GRM1: variants seen among roughly 807,000 people sequenced by gnomAD.
GRM1 encodes glutamate metabotropic receptor 1.
Under a neutral mutation model 90.9 loss-of-function variants are expected in GRM1, and 33 were observed. That is an observed-to-expected ratio of 0.36 (90% CI 0.28 to 0.49). GRM1 has a LOEUF of 0.49. Among genes scored for constraint, GRM1 ranks in the 20% least tolerant of loss-of-function variants. GRM1 has a pLI of 0.99. For synonymous variants in GRM1, 700 were observed against 613.2 expected (o/e 1.14, Z -2.09); for missense variants, 1,190 against 1,534.3 (o/e 0.78, Z 3.75).
At chr6:146,417,252 A>G (rs1435670591) in intron 7 of GRM1, among the ~76,000 whole-genome samples, 3 of 152,170 alleles carry the variant, frequency 2.0e-5, no homozygotes, top group Admixed American at 2.0e-4. Context: ...TGGTGCTGTG[A>G]CAGCTTCTCA....
chr6:146,140,852 A>G (rs1776852752), intron 1 of GRM1, among the ~76,000 whole-genome samples: 1 of 152,152 alleles, frequency 6.6e-6, no homozygotes, highest in Non-Finnish European at 1.5e-5. Context: ...AGTTGTAGTT[A>G]TTAATTTTGA....
At chr6:146,410,692 A>G (rs1310547425) in intron 7 of GRM1, among the ~76,000 whole-genome samples, 1 of 152,050 alleles carries the variant, frequency 6.6e-6, no homozygotes, top group African/African-American at 2.4e-5. Context: ...ATTAAGAAAG[A>G]GGGGGTTAAG....
chr6:146,204,884 G>T (rs1175995402), intron 2 of GRM1, among the ~76,000 whole-genome samples: 1 of 152,252 alleles, frequency 6.6e-6, no homozygotes, highest in Non-Finnish European at 1.5e-5. Flanking sequence ...CTCTATGGCT[G>T]CCCTTGAAAT....
At chr6:146,176,627 A>T (rs981844837) in intron 2 of GRM1, among the ~76,000 whole-genome samples, 1 of 152,108 alleles carries the variant, frequency 6.6e-6, no homozygotes, top group Non-Finnish European at 1.5e-5. Context: ...TTGAAAGGAA[A>T]AAAGAAGTCT....
At chr6:146,367,049 C>G (rs1312858975) in intron 5 of GRM1, among the ~76,000 whole-genome samples, 8 of 152,118 alleles carry the variant, frequency 5.3e-5, no homozygotes, top group Non-Finnish European at 1.2e-4. Flanking sequence ...ACATTTAAGT[C>G]TCTAATCCAT....
chr6:146,362,117 T>C (rs1319245168), intron 5 of GRM1, among the ~76,000 whole-genome samples: 1 of 152,178 alleles, frequency 6.6e-6, no homozygotes, highest in Admixed American at 6.5e-5. Context: ...CTTAAGTTTG[T>C]ATTTGAATTC....
intron 1 of GRM1, among the ~76,000 whole-genome samples, chr6:146,107,417 C>A (rs1554267236): frequency 6.6e-6 from 1 of 151,454 alleles, no homozygotes; most frequent in Non-Finnish European, 1.5e-5. Context: ...CTTTCAGACA[C>A]TGAAAAACAG....
At chr6:146,135,750 G>A (rs1381879925) in intron 1 of GRM1, among the ~76,000 whole-genome samples, 4 of 151,908 alleles carry the variant, frequency 2.6e-5, no homozygotes, top group African/African-American at 7.3e-5. Flanking sequence ...GGGTAAATGG[G>A]GTATCCATCA....
chr6:146,410,779 G>A (rs1394855152), intron 7 of GRM1, among the ~76,000 whole-genome samples: 1 of 152,172 alleles, frequency 6.6e-6, no homozygotes, highest in Non-Finnish European at 1.5e-5. Flanking sequence ...CAAGACCTCA[G>A]CTTATTAGGA....
intron 2 of GRM1, among the ~76,000 whole-genome samples, chr6:146,162,216 A>G (rs1777753397): frequency 6.6e-6 from 1 of 152,220 alleles, no homozygotes; most frequent in Non-Finnish European, 1.5e-5. Flanking sequence ...GATTCTGGCT[A>G]CTGCCAGAGT....
At chr6:146,091,042 T>C (rs1342290894) in intron 1 of GRM1, among the ~76,000 whole-genome samples, 1 of 152,122 alleles carries the variant, frequency 6.6e-6, no homozygotes, top group African/African-American at 2.4e-5. Context: ...ACACTCAGTC[T>C]TTCTATTCTG....
intron 1 of GRM1, among the ~76,000 whole-genome samples, chr6:146,131,998 G>T (rs1013847391): frequency 3.9e-5 from 6 of 152,154 alleles, no homozygotes; most frequent in African/African-American, 1.4e-4. Context: ...ACAAATGAGT[G>T]AAGTCTCCCG....
chr6:146,196,947 G>A (rs964675844), intron 2 of GRM1, among the ~76,000 whole-genome samples: 3 of 152,158 alleles, frequency 2.0e-5, no homozygotes, highest in Non-Finnish European at 4.4e-5. Flanking sequence ...AGTAAAATAA[G>A]CATTCTCTAC....
intron 7 of GRM1, among the ~76,000 whole-genome samples, chr6:146,416,419 T>C (rs1470970227): frequency 1.3e-5 from 2 of 151,872 alleles, no homozygotes; most frequent in Non-Finnish European, 2.9e-5. Flanking sequence ...TCATAGAAAT[T>C]ACAAAAAAAA....
intron 2 of GRM1, among the ~76,000 whole-genome samples, chr6:146,236,531 C>A (rs1486532618): frequency 2.0e-5 from 3 of 152,144 alleles, no homozygotes; most frequent in Admixed American, 2.0e-4. Flanking sequence ...GGTCTAGCTT[C>A]ATTCTTAGGC....
intron 2 of GRM1, among the ~76,000 whole-genome samples, chr6:146,190,705 G>T (rs1235349740): frequency 6.6e-6 from 1 of 152,004 alleles, no homozygotes; most frequent in African/African-American, 2.4e-5. Context: ...TGGTTTTTTG[G>T]CTCTGTCTCC....
chr6:146,375,045 C>A (rs1289990787), intron 5 of GRM1, among the ~76,000 whole-genome samples: 1 of 151,912 alleles, frequency 6.6e-6, no homozygotes, highest in East Asian at 1.9e-4. Context: ...GCTATCCACA[C>A]TATCCATAGG....
At chr6:146,162,408 C>A (rs57147347) in intron 2 of GRM1, among the ~76,000 whole-genome samples, 8,110 of 152,246 alleles carry the variant, frequency 0.053, 716 homozygotes, top group African/African-American at 0.18. Context: ...GTCTGGAACT[C>A]GTCTTGACAC....
intron 2 of GRM1, among the ~76,000 whole-genome samples, chr6:146,269,347 G>A (rs1258483851): frequency 6.6e-6 from 1 of 152,286 alleles, no homozygotes; most frequent in South Asian, 2.1e-4. Context: ...TCCTTTTATA[G>A]TTAATAAGAG....
Sources: allele counts gnomAD v4.1 joint callset (sites outside exome capture counted in the v4.1 genomes callset), GRCh38; gene constraint gnomAD v4.1.1; transcripts MANE v1.5; gene names NCBI Gene and HGNC (gene_info 2026-07-23, HGNC 2026-07-21).